STAM: variants seen among roughly 807,000 people sequenced by gnomAD.
STAM encodes signal transducing adaptor molecule.
In STAM, 16 loss-of-function variants were observed where a neutral mutation model predicts 63.4. That is an observed-to-expected ratio of 0.25 (90% CI 0.17 to 0.38). The LOEUF (loss-of-function observed/expected upper bound fraction) is 0.38, where lower values mean the gene tolerates loss of function less well. STAM is among the 10% of genes least tolerant of loss of function. STAM has a pLI of 1.00. For synonymous variants in STAM, 238 were observed against 223.9 expected, an observed-to-expected ratio of 1.06 and a Z score of -0.56; for missense variants, 636 against 657.1, an observed-to-expected ratio of 0.97 and a Z score of 0.35.
Position 17,684,882 on chromosome 10 carries a change from A to C in STAM, c.252A>C (p.Val84=). ...SNCGKIFHLE[V]CSRDFASEVS... ...GTGGCAAAATTTTTCATTTAGAAGT[A>C]TGTTCAAGAGATTTTGCTAGTGAAG... is the stretch of plus-strand genomic sequence containing the variant. The change falls in exon 4 of 14, where the codon GTA becomes GTC. Residue 84 remains valine, a synonymous_variant. Coordinates refer to ENST00000377524, the MANE Select transcript of STAM (RefSeq NM_003473.4). The C allele has an allele frequency of 6.2e-7, 1 of 1,614,096 alleles. No individual in the cohort carries two copies. Among genetic ancestry groups the C allele is most frequent in the Non-Finnish European group, 8.5e-7 (1 of 1,179,968 alleles).
rs201738946 is a variant in STAM, at chr10:17,705,633, C to T, written c.1101C>T (p.Ala367=). The part of the protein sequence containing the change: ...LSELNVKVME[A]LSLYTKLMNE... ...AACTTAATGTGAAAGTGATGGAGGC[C>T]CTTTCCTTATATACCAAGTTAATGA... Residue 367 remains alanine, a synonymous_variant, in exon 12 of 14, where the codon GCC becomes GCT. Transcript: ENST00000377524. The T allele has an allele frequency of 2.5e-6, 4 of 1,613,282 alleles. No homozygotes were observed. The highest frequency in any genetic ancestry group is 2.7e-5 in the African/African-American group (2 of 74,948).
At chr10:17,697,280 A>T (rs1835802731) in intron 8 of STAM, among the ~76,000 whole-genome samples, 1 of 152,190 alleles carries the variant, frequency 6.6e-6, no homozygotes. Context: ...AAAAATGCAA[A>T]TTCATTAAGA....
chr10:17,714,584 A>T lies in STAM; in HGVS notation c.1427A>T (p.Gln476Leu), dbSNP rs1256952565. ...SSVQGNTYPS[Q>L]APVYSPPPAA... ...GTTCAAGGAAACACATATCCCAGCC[A>T]GGCGCCAGTATATAGTCCTCCTCCT... Residue 476 changes from glutamine (Q) to leucine (L), a missense_variant, in exon 14 of 14, where the codon CAG becomes CTG. By Grantham distance (113) the Gln-to-Leu change is moderately radical. Coordinates refer to ENST00000377524, the MANE Select transcript of STAM (RefSeq NM_003473.4). 1 of 1,614,166 alleles carries T rather than the reference A, an allele frequency of 6.2e-7. No individual in the cohort carries two copies. Among genetic ancestry groups the T allele is most frequent in the African/African-American group, 1.3e-5 (1 of 75,032 alleles).
chr10:17,655,969 CTTTT>C (rs1833921574), intron 1 of STAM, among the ~76,000 whole-genome samples: 1 of 151,884 alleles, frequency 6.6e-6, no homozygotes. Context: ...TCTTAAGTTG[CTTTT>C]TTCTTTTTCT....
At chr10:17,644,435 C>A in intron 1 of STAM, 56 bp downstream of exon 1, 1 of 1,604,190 alleles carries the variant, frequency 6.2e-7, no homozygotes, top group Non-Finnish European at 8.5e-7. Context: ...GCTCACTCTG[C>A]CAGCCCCTGC....
At chr10:17,704,257 C>G (rs1343167764) in intron 9 of STAM, among the ~76,000 whole-genome samples, 174 bp from the exon 10 acceptor site, 2 of 152,108 alleles carry the variant, frequency 1.3e-5, no homozygotes, top group Non-Finnish European at 2.9e-5. Flanking sequence ...TTTCAAGGCT[C>G]TGACTTCATG....
intron 1 of STAM, among the ~76,000 whole-genome samples, chr10:17,651,701 A>G (rs1279771738): frequency 3.3e-5 from 5 of 152,196 alleles, no homozygotes; most frequent in African/African-American, 1.2e-4. Flanking sequence ...TTGCAGATAC[A>G]GTTTCCAGGA....
At chr10:17,674,909 C>A (rs529180155) in intron 2 of STAM, among the ~76,000 whole-genome samples, 75 of 152,262 alleles carry the variant, frequency 4.9e-4, no homozygotes, top group African/African-American at 1.8e-3. Flanking sequence ...ATAAATTCCA[C>A]TTTTGATACT....
At chr10:17,647,722 G>T (rs1833573942) in intron 1 of STAM, among the ~76,000 whole-genome samples, 2 of 152,092 alleles carry the variant, frequency 1.3e-5, no homozygotes, top group South Asian at 2.1e-4. Flanking sequence ...TAAGAGGGTT[G>T]AGTTAATATT....
At chr10:17,685,130 T>G (rs1589074028) in intron 4 of STAM, among the ~76,000 whole-genome samples, 1 of 152,322 alleles carries the variant, frequency 6.6e-6, no homozygotes, top group East Asian at 1.9e-4. Flanking sequence ...TCAAGCCATA[T>G]TAGAGTGTTT....
chr10:17,656,675 G>C (rs1554822201), intron 1 of STAM, among the ~76,000 whole-genome samples: 1 of 152,104 alleles, frequency 6.6e-6, no homozygotes. Context: ...TTTTGTAATC[G>C]GTGGAAGGTA....
At chr10:17,678,260 A>ATTTTTTTTTTT (rs34286916) in intron 2 of STAM, among the ~76,000 whole-genome samples, 57 of 150,172 alleles carry the variant, frequency 3.8e-4, no homozygotes, top group Non-Finnish European at 4.9e-4. Context: ...ATGTGGTGTA[A>ATTTTTTTTTTT]TTTTTTTTTT....
chr10:17,644,242 T>G lies in STAM; in HGVS notation c.-98T>G. The G allele has an allele frequency of 7.5e-7, 1 of 1,332,680 alleles. No homozygotes were observed. Among genetic ancestry groups the G allele is most frequent in the Non-Finnish European group, 1.1e-6 (1 of 931,850 alleles). The allele number at this position is 1,332,680 out of a possible 1,614,324, so 82.6% of individuals were successfully genotyped here. ...GCGGACCCTGTAGAGTCGGTCTCTG[T>G]TGCTCTTTTTGCCTGAGGAGTCTTC... is the stretch of plus-strand genomic sequence containing the variant. On this transcript the variant is annotated 5_prime_UTR_variant, in exon 1 of 14. Coordinates refer to ENST00000377524, the MANE Select transcript of STAM (RefSeq NM_003473.4).
At chr10:17,694,009 A>G (rs1160320318) in intron 6 of STAM, among the ~76,000 whole-genome samples, 5 of 152,022 alleles carry the variant, frequency 3.3e-5, no homozygotes, top group Non-Finnish European at 7.4e-5. Flanking sequence ...ATGTCCTGTT[A>G]TTTTAATTTT....
Position 17,645,366 on chromosome 10 carries a change from G to A in STAM, c.40+987G>A, listed in dbSNP as rs1833480364. 2.6e-5 allele frequency among the ~76,000 whole-genome samples: 4 copies of A among 152,134 alleles called. No homozygotes were observed. In the South Asian group the frequency reaches 8.3e-4, roughly 31 times the overall value. On this transcript the variant is annotated intron_variant, in intron 1 of 13. Coordinates refer to ENST00000377524, the MANE Select transcript of STAM (RefSeq NM_003473.4). ...TGTATTTTAATTATGAAAGGTGGATGTTGAATTTTTCTTTTTAAACTCTTC... is the reference window on the plus strand; with the variant it reads ...TGTATTTTAATTATGAAAGGTGGATATTGAATTTTTCTTTTTAAACTCTTC...
intron 2 of STAM, among the ~76,000 whole-genome samples, chr10:17,661,600 CTG>C (rs1834168532): frequency 6.6e-6 from 1 of 152,148 alleles, no homozygotes; most frequent in Non-Finnish European, 1.5e-5. Context: ...ACCAGAACTC[CTG>C]TCTCTTTTTG....
chr10:17,677,711 C>T (rs558487898), intron 2 of STAM, among the ~76,000 whole-genome samples: 10 of 152,304 alleles, frequency 6.6e-5, no homozygotes, highest in East Asian at 3.9e-4. Context: ...ATGCTTGGCA[C>T]ATAATAGACA....
intron 2 of STAM, among the ~76,000 whole-genome samples, chr10:17,665,002 AC>A (rs1412820102): frequency 6.6e-6 from 1 of 152,094 alleles, no homozygotes; most frequent in African/African-American, 2.4e-5. Context: ...TATTATTTTA[AC>A]CTTTTTTTCT....
intron 2 of STAM, among the ~76,000 whole-genome samples, chr10:17,672,112 A>G (rs1554824132): frequency 3.9e-5 from 6 of 152,150 alleles, no homozygotes; most frequent in Non-Finnish European, 7.4e-5. Flanking sequence ...TTTTCCAACA[A>G]TAGCTTTAAA....
Sources: gnomAD v4.1 joint callset for allele counts (sites outside exome capture counted in the v4.1 genomes callset) on GRCh38, gnomAD v4.1.1 for gene constraint, MANE v1.5 for transcripts, NCBI Gene and HGNC (gene_info 2026-07-23, HGNC 2026-07-21) for gene names.